Variants in ACAD9 observed in about 807,000 individuals in gnomAD.
ACAD9 encodes the protein complex I assembly factor ACAD9, mitochondrial.
In ACAD9, 53 loss-of-function variants were observed where a neutral mutation model predicts 70.2. The observed-to-expected ratio is 0.75, with a 90% CI of 0.61 to 0.95. The LOEUF is 0.95. ACAD9 is among the 40% of genes least tolerant of loss of function. ACAD9 has a pLI of 0.00. For missense variants in ACAD9, 777 were observed against 802.8 expected, an observed-to-expected ratio of 0.97 and a Z score of 0.39; for synonymous variants, 313 against 312.1, an observed-to-expected ratio of 1.00 and a Z score of -0.03.
intron 16 of ACAD9, 123 bp from the exon 17 acceptor site, chr3:128,910,618 T>C: frequency 1.9e-6 from 2 of 1,060,556 alleles, no homozygotes; most frequent in South Asian, 1.3e-5. Context: ...ACGGGGTGAC[T>C]CCTGTGCCAG....
chr3:128,881,537 T>C (rs560378977), intron 1 of ACAD9, among the ~76,000 whole-genome samples: 1 of 152,358 alleles, frequency 6.6e-6, no homozygotes, highest in Non-Finnish European at 1.5e-5. Flanking sequence ...ATTCTTTCCT[T>C]TCTCTGCATC....
intron 2 of ACAD9, 150 bp from the exon 3 acceptor site, chr3:128,893,405 A>C: frequency 3.1e-6 from 2 of 643,496 alleles, no homozygotes; most frequent in Non-Finnish European, 5.4e-6. Flanking sequence ...AATTGAACAC[A>C]GGCCAAATGA....
At chr3:128,882,010 C>A (rs985856594) in intron 1 of ACAD9, among the ~76,000 whole-genome samples, 1 of 152,150 alleles carries the variant, frequency 6.6e-6, no homozygotes, top group Non-Finnish European at 1.5e-5. Flanking sequence ...TCCCTGAACT[C>A]CAGATTCCTT....
chr3:128,911,000 AC>A (rs1342872130), intron 17 of ACAD9, among the ~76,000 whole-genome samples, 187 bp downstream of exon 17: 1 of 152,204 alleles, frequency 6.6e-6, no homozygotes, highest in Non-Finnish European at 1.5e-5. Context: ...GTAGGTGCAT[AC>A]CTGCCCCATT....
intron 1 of ACAD9, 101 bp downstream of exon 1, chr3:128,879,942 G>A (rs141568771): frequency 1.3e-5 from 20 of 1,593,382 alleles, no homozygotes; most frequent in East Asian, 2.3e-5. Context: ...AAACCTGCCA[G>A]AGAGATACAC....
At chr3:128,895,839 A>G (rs1184174980) in intron 4 of ACAD9, among the ~76,000 whole-genome samples, 1 of 152,250 alleles carries the variant, frequency 6.6e-6, no homozygotes, top group East Asian at 1.9e-4. Flanking sequence ...CCTTACTGGC[A>G]ATCTCATTAC....
Position 128,896,513 on chromosome 3 carries a change from C to A in ACAD9, c.531C>A (p.Ala177=), listed in dbSNP as rs1390927778. ...PKLASGEHIA[A]FCLTEPASGS... The stretch of plus-strand genomic sequence containing the variant: ...TGGCGTCCGGGGAGCACATTGCAGC[C>A]TTCTGCCTCACGGAGCCAGCCAGGT... Residue 177 remains alanine (A), a synonymous_variant, in exon 5 of 18, where the codon GCC becomes GCA. Coordinates refer to ENST00000308982, the MANE Select transcript of ACAD9 (RefSeq NM_014049.5). 2 of 1,614,086 alleles carry A rather than the reference C, an allele frequency of 1.2e-6. No homozygotes were observed. Among genetic ancestry groups the A allele is most frequent in the South Asian group, 1.1e-5 (1 of 91,084 alleles).
chr3:128,910,202 G>C (rs1211640928), intron 16 of ACAD9, 53 bp downstream of exon 16: 1 of 1,596,260 alleles, frequency 6.3e-7, no homozygotes, highest in East Asian at 2.2e-5. Flanking sequence ...CTGTCCTGCT[G>C]CACTTTAATG....
intron 9 of ACAD9, among the ~76,000 whole-genome samples, chr3:128,903,526 G>T (rs927058654): frequency 6.6e-6 from 1 of 152,168 alleles, no homozygotes; most frequent in Non-Finnish European, 1.5e-5. Flanking sequence ...CGGGGCGGGG[G>T]TGCTTCTGCC....
At chr3:128,899,741 G>A (rs2107654303) in intron 7 of ACAD9, among the ~76,000 whole-genome samples, 1 of 152,334 alleles carries the variant, frequency 6.6e-6, no homozygotes, top group East Asian at 1.9e-4. Flanking sequence ...CCCTGCTGTA[G>A]CTGCCCTAGC....
At chr3:128,911,333 C>T (rs1007478944) in intron 17 of ACAD9, among the ~76,000 whole-genome samples, 8 of 152,112 alleles carry the variant, frequency 5.3e-5, no homozygotes, top group African/African-American at 1.2e-4. Context: ...GCTGGGATTA[C>T]AGGCATGAGC....
Position 128,908,472 on chromosome 3 carries a change from C to G in ACAD9, c.1358+208C>G. ...TGCCCTGCCCTTATGGCCACAGCAC[C>G]CTACAGCTTCAGCATAAATACCGTA... On this transcript the variant is annotated intron_variant, in intron 13 of 17. Coordinates refer to ENST00000308982, the MANE Select transcript of ACAD9 (RefSeq NM_014049.5). 3 of 631,308 alleles carry G rather than the reference C, an allele frequency of 4.8e-6. No homozygotes were observed. In the Admixed American group the frequency reaches 7.6e-5, roughly 16 times the overall value. The allele number at this position is 631,308 out of a possible 1,614,324, so 39.1% of individuals were successfully genotyped here.
At chr3:128,904,154 A>G in intron 10 of ACAD9, 22 bp downstream of exon 10, 1 of 1,611,758 alleles carries the variant, frequency 6.2e-7, no homozygotes, top group Non-Finnish European at 8.5e-7. Context: ...TGAGTACTGT[A>G]TTTGTGCATT....
intron 8 of ACAD9, 130 bp downstream of exon 8, chr3:128,901,479 GTTGGGAAA>G: frequency 9.2e-7 from 1 of 1,083,872 alleles, no homozygotes; most frequent in Non-Finnish European, 1.4e-6. Flanking sequence ...ATGGTTATCT[GTTGGGAAA>G]TTGGCAAAAT....
intron 1 of ACAD9, among the ~76,000 whole-genome samples, chr3:128,880,958 A>T (rs916426475): frequency 6.6e-6 from 1 of 152,158 alleles, no homozygotes; most frequent in Non-Finnish European, 1.5e-5. Context: ...TTCTAAGGAA[A>T]CCAACAGTAT....
At chr3:128,886,364 G>A (rs151252651) in intron 2 of ACAD9, among the ~76,000 whole-genome samples, 3,071 of 151,990 alleles carry the variant, frequency 0.02, 109 homozygotes, top group African/African-American at 0.07. Flanking sequence ...GCCTCCCCAA[G>A]TGCTGGGATT....
Position 128,879,776 on chromosome 3 carries a change from C to G in ACAD9, c.85C>G (p.Leu29Val). 1.9e-6 allele frequency: 3 copies of G among 1,613,762 alleles called. No individual in the cohort carries two copies. The South Asian group carries it at 3.3e-5, about 18-fold the overall frequency. ...GGTGGTCTCTACCGCGAACCGGCGG[C>G]TACTGCGCACCAGCCCGCCTGTACG... ...GLVVSTANRR[L>V]LRTSPPVRAF... is the part of the protein sequence containing the mutation. Residue 29 changes from leucine (L) to valine (V), a missense_variant, in exon 1 of 18, where the codon CTA becomes GTA. Coordinates refer to ENST00000308982, the MANE Select transcript of ACAD9 (RefSeq NM_014049.5).
rs759184803 is a variant in ACAD9, at chr3:128,896,473, A to G, written c.491A>G (p.Lys164Arg). The G allele has an allele frequency of 6.2e-7, 1 of 1,614,234 alleles. No individual in the cohort carries two copies. The highest frequency in any genetic ancestry group is 8.5e-7 in the Non-Finnish European group (1 of 1,180,050). Residue 164 changes from lysine to arginine, a missense_variant, in exon 5 of 18, where the codon AAA (lysine) becomes AGA (arginine). Physicochemically the swap from Lys to Arg is conservative, Grantham distance 26 (BLOSUM62 2). Coordinates refer to ENST00000308982, the MANE Select transcript of ACAD9 (RefSeq NM_014049.5). ...ILAGTEEQKA[K>R]YLPKLASGEH... ...GCTGGCACTGAGGAGCAGAAAGCCA[A>G]ATACTTGCCTAAACTGGCGTCCGGG...
At chr3:128,910,667 A>G in intron 16 of ACAD9, 74 bp from the exon 17 acceptor site, 4 of 1,409,302 alleles carry the variant, frequency 2.8e-6, no homozygotes, top group Non-Finnish European at 4.0e-6. Context: ...TTTGGCTGAT[A>G]GGCTGGGTTT....
Sources: allele counts gnomAD v4.1 joint callset (sites outside exome capture counted in the v4.1 genomes callset), GRCh38; gene constraint gnomAD v4.1.1; transcripts MANE v1.5; gene names NCBI Gene and HGNC (gene_info 2026-07-23, HGNC 2026-07-21).